TRAP1: variants seen among roughly 807,000 people sequenced by gnomAD.
The protein encoded by TRAP1 is TNF receptor associated protein 1.
TRAP1 carries 102 observed loss-of-function variants against 89.1 expected under a neutral mutation model. The observed-to-expected ratio is 1.15, with a 90% CI of 0.98 to 1.35. TRAP1 has a LOEUF of 1.35. TRAP1 is among the 40% of genes most tolerant of loss of function. TRAP1 has a pLI of 0.00. For missense variants in TRAP1, 1,256 were observed against 945.3 expected, an observed-to-expected ratio of 1.33 and a Z score of -4.31; for synonymous variants, 508 against 388.0, an observed-to-expected ratio of 1.31 and a Z score of -3.64.
intron 1 of TRAP1, among the ~76,000 whole-genome samples, chr16:3,708,637 AAAATAAAT>A (rs532635780): frequency 6.6e-6 from 1 of 151,464 alleles, no homozygotes; most frequent in African/African-American, 2.4e-5. Flanking sequence ...ACTCCATCTC[AAAATAAAT>A]AAATAAATAA....
chr16:3,684,531 C>A (rs2051113686), intron 4 of TRAP1, among the ~76,000 whole-genome samples: 1 of 152,072 alleles, frequency 6.6e-6, no homozygotes. Context: ...GTGGCTCATG[C>A]CTGTAATCTA....
chr16:3,716,855 G>A (rs1405254466), intron 1 of TRAP1, among the ~76,000 whole-genome samples: 1 of 152,212 alleles, frequency 6.6e-6, no homozygotes, highest in Non-Finnish European at 1.5e-5. Flanking sequence ...CTGCTCTGGG[G>A]ACCCGGATGA....
At chr16:3,697,406 T>C (rs1334394887) in intron 1 of TRAP1, among the ~76,000 whole-genome samples, 1 of 152,158 alleles carries the variant, frequency 6.6e-6, no homozygotes, top group African/African-American at 2.4e-5. Context: ...GGCTCACACC[T>C]GTAATCCCAG....
chr16:3,691,900 G>A (rs1834226431), intron 1 of TRAP1, among the ~76,000 whole-genome samples: 1 of 152,168 alleles, frequency 6.6e-6, no homozygotes, highest in South Asian at 2.1e-4. Context: ...TGAGAAAGTT[G>A]CCGGCAGAGC....
chr16:3,686,413 A>T (rs1174245904), intron 3 of TRAP1, among the ~76,000 whole-genome samples: 2 of 152,018 alleles, frequency 1.3e-5, no homozygotes, highest in Admixed American at 1.3e-4. Context: ...AACCTCCTGG[A>T]CCCAAGCAAT....
chr16:3,709,464 T>C (rs559704632), intron 1 of TRAP1, among the ~76,000 whole-genome samples: 8 of 152,302 alleles, frequency 5.3e-5, no homozygotes, highest in Admixed American at 2.6e-4. Context: ...TGCCGTCTGT[T>C]ATCTTGGGGA....
At chr16:3,687,797 G>A (rs558454572) in intron 3 of TRAP1, among the ~76,000 whole-genome samples, 1 of 144,860 alleles carries the variant, frequency 6.9e-6, no homozygotes, top group East Asian at 2.1e-4. Flanking sequence ...GCAGCGAGCC[G>A]AGATCATACC....
At chr16:3,685,486 C>T (rs879402369) in intron 4 of TRAP1, among the ~76,000 whole-genome samples, 2 of 152,070 alleles carry the variant, frequency 1.3e-5, no homozygotes, top group African/African-American at 2.4e-5. Flanking sequence ...CAGACACCCC[C>T]GCAATGACGC....
At chr16:3,677,732 T>G in intron 5 of TRAP1, 74 bp from the exon 6 acceptor site, 1 of 1,533,384 alleles carries the variant, frequency 6.5e-7, no homozygotes, top group South Asian at 1.2e-5. Context: ...GTGGCTCTTC[T>G]GCGAGCACCG....
In TRAP1 at chr16:3,682,981, C is replaced by T. The variant is rs540311739; in HGVS notation, c.471+3015G>A. 2.1e-4 allele frequency among the ~76,000 whole-genome samples: 32 copies of T among 151,464 alleles called. No individual in the cohort carries two copies. The South Asian group carries it at 4.8e-3, about 23-fold the overall frequency. On this transcript the variant is annotated intron_variant, in intron 4 of 17. Coordinates refer to ENST00000246957, the MANE Select transcript of TRAP1 (RefSeq NM_016292.3). ...GCCGGGAGTTTAAGATCAGCCTGAC[C>T]GACATGGAGAAACTCTGTCTCTATT... is the stretch of plus-strand genomic sequence containing the variant.
At chr16:3,662,536 A>C (rs2043143598) in intron 15 of TRAP1, 3 of 537,794 alleles carry the variant, frequency 5.6e-6, no homozygotes, top group Non-Finnish European at 1.0e-5. Flanking sequence ...CCCCCGACTA[A>C]GCACCCAAGT....
chr16:3,702,803 G>A (rs986719067), intron 1 of TRAP1, among the ~76,000 whole-genome samples: 3 of 151,648 alleles, frequency 2.0e-5, no homozygotes, highest in Admixed American at 6.6e-5. Flanking sequence ...GGCACTTTGG[G>A]AGGCTGTGGT....
intron 1 of TRAP1, among the ~76,000 whole-genome samples, chr16:3,716,352 T>C (rs2051597887): frequency 6.6e-6 from 1 of 152,232 alleles, no homozygotes; most frequent in African/African-American, 2.4e-5. Flanking sequence ...TCTAATTATG[T>C]AAGGCTAAAG....
chr16:3,689,154 G>A lies in TRAP1; in HGVS notation c.248-17C>T. ...AAGTGGAACCTAGTAATGAAACACA[G>A]ACACAACCAACAAAGTTTAACTTCT... On this transcript the variant is annotated splice_polypyrimidine_tract_variant and intron_variant, in intron 2 of 17. Coordinates refer to ENST00000246957, the MANE Select transcript of TRAP1 (RefSeq NM_016292.3). 6.2e-7 allele frequency: 1 copy of A among 1,601,082 alleles called. No homozygotes were observed. Among genetic ancestry groups the A allele is most frequent in the Non-Finnish European group, 8.5e-7 (1 of 1,171,052 alleles).
At chr16:3,703,721 T>C (rs973574046) in intron 1 of TRAP1, among the ~76,000 whole-genome samples, 1 of 151,950 alleles carries the variant, frequency 6.6e-6, no homozygotes, top group African/African-American at 2.4e-5. Context: ...TATAAAACTA[T>C]TTACAAAAGT....
In TRAP1 at chr16:3,672,765, C is replaced by T. The variant is rs1267745916; in HGVS notation, c.1100G>A (p.Ser367Asn). The T allele has an allele frequency of 6.2e-7, 1 of 1,612,204 alleles. No individual in the cohort carries two copies. The highest frequency in any genetic ancestry group is 8.5e-7 in the Non-Finnish European group (1 of 1,179,348). The part of the protein sequence containing the change: ...RELGSSVALY[S>N]RKVLIQTKAT... ...CTTGGTCTGGATGAGGACTTTGCGG[C>T]TGTACAGTGCAACGCTGGAGCCCAG... Residue 367 changes from serine to asparagine, a missense_variant, in exon 10 of 18, where the codon AGC (serine) becomes AAC (asparagine). Physicochemically the swap from Ser to Asn is conservative, Grantham distance 46. Transcript: ENST00000246957.
chr16:3,701,054 A>G lies in TRAP1; in HGVS notation c.89-10069T>C, dbSNP rs149566209. Among the ~76,000 whole-genome samples, 136 of 152,338 alleles carry G rather than the reference A, an allele frequency of 8.9e-4. No homozygotes were observed. The East Asian group carries it at 0.021, about 24-fold the overall frequency. Reference sequence around the variant, plus strand: ...GAAGACCTAATTACATGCTATCTACAAGACACTTTAAACATAAAGAAAAAG... The same window carrying G: ...GAAGACCTAATTACATGCTATCTACGAGACACTTTAAACATAAAGAAAAAG... On this transcript the variant is annotated intron_variant, in intron 1 of 17. Coordinates refer to ENST00000246957, the MANE Select transcript of TRAP1 (RefSeq NM_016292.3).
Position 3,710,039 on chromosome 16 carries a change from C to T in TRAP1, c.88+7382G>A, listed in dbSNP as rs568650917. On this transcript the variant is annotated intron_variant, in intron 1 of 17. Transcript: ENST00000246957. ...GTTCTTAGCTCTGGCATTCTCAACA[C>T]TCACTGTTTCTTGAGGTTTCCTGTG... 2.6e-5 allele frequency among the ~76,000 whole-genome samples: 4 copies of T among 152,364 alleles called. No individual in the cohort carries two copies. In the South Asian group the frequency reaches 8.3e-4, roughly 32 times the overall value.
chr16:3,679,504 C>T (rs1050359154), intron 5 of TRAP1, among the ~76,000 whole-genome samples: 1 of 152,106 alleles, frequency 6.6e-6, no homozygotes, highest in Admixed American at 6.5e-5. Context: ...CTTTGCTATC[C>T]AAGGGGGGTC....
Sources: allele counts gnomAD v4.1 joint callset (sites outside exome capture counted in the v4.1 genomes callset), GRCh38; gene constraint gnomAD v4.1.1; transcripts MANE v1.5; gene names NCBI Gene and HGNC (gene_info 2026-07-23, HGNC 2026-07-21).